The following N4BP2L1 variants were observed in gnomAD, a reference collection of about 807,000 sequenced individuals.
N4BP2L1 encodes NEDD4-binding protein 2-like 1.
N4BP2L1 carries 12 observed loss-of-function variants against 21.2 expected under a neutral mutation model. The ratio of observed to expected loss-of-function variants is 0.57; its 90% CI spans 0.36 to 0.92. The LOEUF is 0.92. Among genes scored for constraint, N4BP2L1 ranks in the 40% least tolerant of loss-of-function variants. The pLI is 0.01. For missense variants in N4BP2L1, 259 were observed against 310.6 expected, an observed-to-expected ratio of 0.83 and a Z score of 1.25; for synonymous variants, 104 against 112.8, an observed-to-expected ratio of 0.92 and a Z score of 0.49.
chr13:32,415,314 A>G (rs1206007591), intron 1 of N4BP2L1, among the ~76,000 whole-genome samples: 1 of 152,206 alleles, frequency 6.6e-6, no homozygotes, highest in Non-Finnish European at 1.5e-5. Context: ...CACACCCAAC[A>G]AAGTGTGCTT....
At chr13:32,411,005 T>C (rs1450664193) in intron 1 of N4BP2L1, among the ~76,000 whole-genome samples, 1 of 152,234 alleles carries the variant, frequency 6.6e-6, no homozygotes, top group Non-Finnish European at 1.5e-5. Flanking sequence ...TTTTCCTCTT[T>C]GTGGTTTATA....
At chr13:32,405,537 C>T (rs1228412697) in intron 3 of N4BP2L1, among the ~76,000 whole-genome samples, 1 of 143,704 alleles carries the variant, frequency 7.0e-6, no homozygotes, top group Non-Finnish European at 1.6e-5. Context: ...AAAATGACTT[C>T]CCTTAGGCTG....
In N4BP2L1 at chr13:32,402,587, A is replaced by G. The variant is rs1337538304; in HGVS notation, c.*355T>C. 4 of 999,418 alleles carry G rather than the reference A, an allele frequency of 4.0e-6. No individual in the cohort carries two copies. In the African/African-American group the frequency reaches 6.9e-5, roughly 17 times the overall value. The allele number at this position is 999,418 out of a possible 1,614,324, so 61.9% of individuals were successfully genotyped here. On this transcript the variant is annotated 3_prime_UTR_variant, in exon 5 of 5. Transcript: ENST00000380130. ...AGATGAATTTCCTGAAAAAATAAAT[A>G]GATCACTTCAGAGCAAATGGTACTG...
intron 1 of N4BP2L1, among the ~76,000 whole-genome samples, chr13:32,424,551 G>T (rs2074659418): frequency 6.6e-6 from 1 of 152,170 alleles, no homozygotes; most frequent in Non-Finnish European, 1.5e-5. Context: ...AGTGCTAAAG[G>T]TCTTATAAGT....
At chr13:32,413,934 T>G (rs2073994920) in intron 1 of N4BP2L1, among the ~76,000 whole-genome samples, 1 of 138,686 alleles carries the variant, frequency 7.2e-6, no homozygotes. Flanking sequence ...CAGGCTGGAG[T>G]GCAGTGGCGC....
At chr13:32,413,003 A>G (rs566752934) in intron 1 of N4BP2L1, among the ~76,000 whole-genome samples, 1 of 152,242 alleles carries the variant, frequency 6.6e-6, no homozygotes, top group South Asian at 2.1e-4. Flanking sequence ...GGCTCACTGC[A>G]ACCTCCACCT....
At chr13:32,408,028 C>A (rs931370686) in intron 1 of N4BP2L1, among the ~76,000 whole-genome samples, 1 of 152,176 alleles carries the variant, frequency 6.6e-6, no homozygotes, top group African/African-American at 2.4e-5. Context: ...CAGTCACTGC[C>A]GCTGCCTTCT....
chr13:32,428,050 C>A lies in N4BP2L1; in HGVS notation c.33G>T (p.Arg11Ser). MEDSFLQSFG[R>S]LSLQPQQQQQ... Reference sequence around the variant, plus strand: ...GCTGCTGCTGGGGCTGGAGGCTCAGCCTCCCAAAAGATTGAAGGAAACTGT... The same window carrying A: ...GCTGCTGCTGGGGCTGGAGGCTCAGACTCCCAAAAGATTGAAGGAAACTGT... The change falls in exon 1 of 5, where the codon AGG (arginine) becomes AGT (serine). Residue 11 changes from arginine to serine, a missense_variant. Around this residue, in one of 3 missense-constraint regions of N4BP2L1, gnomAD observed 60 missense variants for 54.7 expected, o/e 1.10. Coordinates refer to ENST00000380130, the MANE Select transcript of N4BP2L1 (RefSeq NM_052818.3). 1 of 1,517,998 alleles carries A rather than the reference C, an allele frequency of 6.6e-7. No homozygotes were observed. The highest frequency in any genetic ancestry group is 2.6e-5 in the East Asian group (1 of 38,452). The allele number at this position is 1,517,998 out of a possible 1,614,324, so 94.0% of individuals were successfully genotyped here.
intron 1 of N4BP2L1, among the ~76,000 whole-genome samples, chr13:32,418,981 C>G (rs2074301933): frequency 6.6e-6 from 1 of 152,066 alleles, no homozygotes; most frequent in Non-Finnish European, 1.5e-5. Flanking sequence ...TCAGATGAGA[C>G]TTTGGACTTG....
rs1460040669 is a variant in N4BP2L1, at chr13:32,401,182, GCT to G, written c.*1758_*1759del. On this transcript the variant is annotated 3_prime_UTR_variant, in exon 5 of 5. Transcript: ENST00000380130. Reference sequence around the variant, plus strand: ...CAAAGGATGGTAATTTCCACTTTGAGCTCTCTGACATTTCTCCCCTCTACCAG... The same window carrying G: ...CAAAGGATGGTAATTTCCACTTTGAGCTCTGACATTTCTCCCCTCTACCAG... 1 of 152,072 alleles carries G rather than the reference GCT, an allele frequency of 6.6e-6. No homozygotes were observed. The highest frequency in any genetic ancestry group is 1.9e-4 in the East Asian group (1 of 5,190). The allele number at this position is 152,072 out of a possible 1,614,324, so 9.4% of individuals were successfully genotyped here.
chr13:32,428,240 G>A (rs925238197), upstream of N4BP2L1: 1 of 626,414 alleles, frequency 1.6e-6, no homozygotes, highest in Non-Finnish European at 2.4e-6. Flanking sequence ...ACCGTGCTGC[G>A]TGGGAGGGGG....
intron 4 of N4BP2L1, among the ~76,000 whole-genome samples, 157 bp from the exon 5 acceptor site, chr13:32,403,357 A>G (rs2073266390): frequency 1.3e-5 from 2 of 152,090 alleles, no homozygotes; most frequent in South Asian, 4.2e-4. Context: ...GTTCTCTTTC[A>G]GCCTCCACTC....
rs1332116902 is a variant in N4BP2L1 at position 32,413,329 on chromosome 13, C to T, written c.180-5557G>A. Among the ~76,000 whole-genome samples the T allele has an allele frequency of 5.3e-5, 8 of 152,282 alleles. No homozygotes were observed. In the East Asian group the frequency reaches 9.6e-4, roughly 18 times the overall value. On this transcript the variant is annotated intron_variant, in intron 1 of 4. Coordinates refer to ENST00000380130, the MANE Select transcript of N4BP2L1 (RefSeq NM_052818.3). ...GCACTTGGTTATTATGTCTGGTTAA[C>T]GTCTTTGAATCTAGAACTGTCCTCA...
chr13:32,419,412 ATTTTTTTTTTTTTTT>A (rs71071039), intron 1 of N4BP2L1: 161 of 284,674 alleles, frequency 5.7e-4, no homozygotes, highest in Non-Finnish European at 7.3e-4. Context: ...TGCTTGGCTA[ATTTTTTTTTTTTTTT>A]TTTTTTTTTT....
At chr13:32,412,997 C>T (rs183272) in intron 1 of N4BP2L1, among the ~76,000 whole-genome samples, 45,857 of 152,080 alleles carry the variant, frequency 0.3, 7,165 homozygotes, top group South Asian at 0.39. Flanking sequence ...GATCTCGGCT[C>T]ACTGCAACCT....
In N4BP2L1 at chr13:32,407,731, G is replaced by T. The variant is rs767352043; in HGVS notation, c.221C>A (p.Thr74Lys). ...ATCTTCCCTGAAGAAAAAATCATCCGTGCTGAAAATCAGGGCCCTGGGAAA... is the reference window on the plus strand; with the variant it reads ...ATCTTCCCTGAAGAAAAAATCATCCTTGCTGAAAATCAGGGCCCTGGGAAA... ...HDFPRALIFS[T>K]DDFFFREDGA... Residue 74 changes from threonine to lysine, a missense_variant, in exon 2 of 5, where the codon ACG (threonine) becomes AAG (lysine). Around this residue, in one of 3 missense-constraint regions of N4BP2L1, gnomAD observed 91 missense variants for 148.1 expected, o/e 0.61. Coordinates refer to ENST00000380130, the MANE Select transcript of N4BP2L1 (RefSeq NM_052818.3). 1.2e-6 allele frequency: 2 copies of T among 1,607,184 alleles called. No homozygotes were observed. The highest frequency in any genetic ancestry group is 1.1e-5 in the South Asian group (1 of 89,566).
chr13:32,416,275 G>C (rs1016983327), intron 1 of N4BP2L1, among the ~76,000 whole-genome samples: 25 of 152,170 alleles, frequency 1.6e-4, no homozygotes, highest in Admixed American at 1.6e-3. Context: ...TGGGAGATAA[G>C]CACTGCTATG....
At chr13:32,408,746 A>C (rs2073676595) in intron 1 of N4BP2L1, among the ~76,000 whole-genome samples, 1 of 152,232 alleles carries the variant, frequency 6.6e-6, no homozygotes, top group Non-Finnish European at 1.5e-5. Context: ...TCGGAGGAAA[A>C]AAGGTTGGAG....
chr13:32,416,333 G>C (rs1459200213), intron 1 of N4BP2L1, among the ~76,000 whole-genome samples: 1 of 152,188 alleles, frequency 6.6e-6, no homozygotes, highest in Non-Finnish European at 1.5e-5. Context: ...GCCAACGAGT[G>C]GTACAACTGG....
Sources: allele counts gnomAD v4.1 joint callset (sites outside exome capture counted in the v4.1 genomes callset), GRCh38; gene constraint gnomAD v4.1.1; regional missense constraint gnomAD v4.1.1; transcripts MANE v1.5; gene names NCBI Gene and HGNC (gene_info 2026-07-23, HGNC 2026-07-21).